The following MSRB3 variants were observed in gnomAD, a reference collection of about 807,000 sequenced individuals.
MSRB3 encodes methionine sulfoxide reductase B3.
A neutral mutation model predicts 21.0 loss-of-function variants in MSRB3; 13 were observed. The observed-to-expected ratio is 0.62, with a 90% confidence interval of 0.40 to 0.98. MSRB3 has a LOEUF of 0.98. Ranked by LOEUF, MSRB3 falls within the 50% of genes least tolerant of loss-of-function variation. The probability of loss-of-function intolerance (pLI) is 0.00; values close to 1 mark genes in which losing one functional copy is unlikely to be tolerated. For missense variants in MSRB3, 199 were observed against 230.3 expected, an observed-to-expected ratio of 0.86 and a Z score of 0.88; for synonymous variants, 87 against 88.6, an observed-to-expected ratio of 0.98 and a Z score of 0.10.
intron 6 of MSRB3, 24 bp downstream of exon 6, chr12:65,453,849 C>T (rs1461130631): frequency 1.3e-6 from 2 of 1,579,070 alleles, no homozygotes; most frequent in South Asian, 2.2e-5. Flanking sequence ...TTCTGAAAAC[C>T]CAATACATTG....
At chr12:65,424,382 C>G (rs1323887120) in intron 5 of MSRB3, among the ~76,000 whole-genome samples, 1 of 151,636 alleles carries the variant, frequency 6.6e-6, no homozygotes, top group Non-Finnish European at 1.5e-5. Flanking sequence ...TTTTCTAGTT[C>G]CTTGAGATGT....
At chr12:65,402,256 C>T (rs375976181) in intron 5 of MSRB3, among the ~76,000 whole-genome samples, 25 of 152,264 alleles carry the variant, frequency 1.6e-4, no homozygotes, top group African/African-American at 4.1e-4. Flanking sequence ...ACCAGTCAAA[C>T]GTAGGTTGGG....
At chr12:65,380,723 A>G (rs1445436136) in intron 5 of MSRB3, among the ~76,000 whole-genome samples, 2 of 152,218 alleles carry the variant, frequency 1.3e-5, no homozygotes, top group Non-Finnish European at 2.9e-5. Flanking sequence ...ATTTGCATAG[A>G]CCATACATTA....
At chr12:65,306,221 G>A (rs1180855550) in intron 1 of MSRB3, among the ~76,000 whole-genome samples, 1 of 152,036 alleles carries the variant, frequency 6.6e-6, no homozygotes, top group Non-Finnish European at 1.5e-5. Context: ...TTTATTTACC[G>A]CAAACATTAA....
At chr12:65,352,967 T>G (rs922295082) in intron 4 of MSRB3, among the ~76,000 whole-genome samples, 3 of 151,826 alleles carry the variant, frequency 2.0e-5, no homozygotes, top group African/African-American at 7.3e-5. Context: ...AAAACTACTT[T>G]AAAGTTCATA....
chr12:65,375,063 G>A lies in MSRB3; in HGVS notation c.292+6037G>A, dbSNP rs1878532312. ...GTAGAGACGGGGTTTCACCGTGTTA[G>A]TCAGATCTCCTGACCTCGTGATCAG... On this transcript the variant is annotated intron_variant, in intron 5 of 6. Transcript: ENST00000308259. Among the ~76,000 whole-genome samples the A allele has an allele frequency of 2.7e-5, 4 of 149,542 alleles. No individual in the cohort carries two copies. The South Asian group carries it at 8.5e-4, about 32-fold the overall frequency.
Position 65,278,775 on chromosome 12 carries a change from C to A in MSRB3, c.-142C>A, listed in dbSNP as rs1206651874. ...GCGGCTGCCTGGCCTTTCCATGAGCCCGCGGCGGACCCTCCCGCGCCCCCT... is the reference window on the plus strand; with the variant it reads ...GCGGCTGCCTGGCCTTTCCATGAGCACGCGGCGGACCCTCCCGCGCCCCCT... On this transcript the variant is annotated 5_prime_UTR_variant, in exon 1 of 7. Transcript: ENST00000308259. The A allele has an allele frequency of 1.9e-6, 3 of 1,577,232 alleles. No individual in the cohort carries two copies. The highest frequency in any genetic ancestry group is 2.3e-5 in the East Asian group (1 of 42,788).
chr12:65,397,160 T>A (rs1879864199), intron 5 of MSRB3, among the ~76,000 whole-genome samples: 1 of 152,210 alleles, frequency 6.6e-6, no homozygotes, highest in African/African-American at 2.4e-5. Flanking sequence ...GTTCACTCTG[T>A]CAAAAATTAA....
chr12:65,281,972 T>G (rs1006948210), intron 1 of MSRB3: 1 of 152,260 alleles, frequency 6.6e-6, no homozygotes, highest in African/African-American at 2.4e-5. Context: ...GGATTTACTT[T>G]GAATATTCTG....
intron 5 of MSRB3, among the ~76,000 whole-genome samples, chr12:65,406,397 G>A (rs1172218477): frequency 6.6e-6 from 1 of 152,122 alleles, no homozygotes; most frequent in Non-Finnish European, 1.5e-5. Context: ...AGAAGTGAAA[G>A]GTCTGTGCAC....
chr12:65,458,262 TA>T (rs34694258), intron 6 of MSRB3, among the ~76,000 whole-genome samples: 1 of 152,016 alleles, frequency 6.6e-6, no homozygotes, highest in African/African-American at 2.4e-5. Context: ...GATCCTTTTT[TA>T]AAAAAAATTG....
intron 5 of MSRB3, among the ~76,000 whole-genome samples, chr12:65,432,518 T>A (rs1414026369): frequency 6.6e-6 from 1 of 152,024 alleles, no homozygotes; most frequent in African/African-American, 2.4e-5. Context: ...TTTATCTATA[T>A]CCCCTCCTAG....
rs532170977 is a variant in MSRB3, at chr12:65,337,242, C to CA, written c.263+8647dup. Among the ~76,000 whole-genome samples, 413 of 145,840 alleles carry CA rather than the reference C, an allele frequency of 2.8e-3. 3 individuals carry two copies. Among genetic ancestry groups the CA allele is most frequent in the South Asian group, 7.9e-3 (37 of 4,692 alleles). ...TGGGCGACAGAACGAGACTCCGTCTCAAAAAAAACAAAAAACAAAACAAAA... is the reference window on the plus strand; with the variant it reads ...TGGGCGACAGAACGAGACTCCGTCTCAAAAAAAAACAAAAAACAAAACAAAA... On this transcript the variant is annotated intron_variant, in intron 4 of 6. Transcript: ENST00000308259.
At chr12:65,301,644 C>T (rs927492018) in intron 1 of MSRB3, among the ~76,000 whole-genome samples, 1 of 152,154 alleles carries the variant, frequency 6.6e-6, no homozygotes, top group African/African-American at 2.4e-5. Context: ...CCATTCAAAA[C>T]GCAAGATAGA....
intron 5 of MSRB3, among the ~76,000 whole-genome samples, chr12:65,394,042 T>C (rs1234622865): frequency 1.3e-5 from 2 of 152,138 alleles, no homozygotes; most frequent in Non-Finnish European, 2.9e-5. Context: ...TAGGAATATG[T>C]AGACTGGTGG....
chr12:65,303,607 G>A (rs56190543), intron 1 of MSRB3, among the ~76,000 whole-genome samples: 6,322 of 151,968 alleles, frequency 0.042, 433 homozygotes, highest in African/African-American at 0.15. Context: ...ACATATAATC[G>A]GTCATTTTCA....
intron 5 of MSRB3, among the ~76,000 whole-genome samples, chr12:65,438,494 A>C (rs1447308654): frequency 6.6e-6 from 1 of 151,914 alleles, no homozygotes; most frequent in Non-Finnish European, 1.5e-5. Flanking sequence ...AAAGCCTAGC[A>C]AGATGATACT....
chr12:65,344,845 T>C (rs1239961351), intron 4 of MSRB3, among the ~76,000 whole-genome samples: 1 of 152,046 alleles, frequency 6.6e-6, no homozygotes, highest in African/African-American at 2.4e-5. Context: ...ACTTCAGTAA[T>C]TTGCAAACCT....
At position 65,306,660 on chromosome 12, in the gene MSRB3, G is replaced by A. The variant is rs1051996039; in HGVS notation, c.-51-1869G>A. Among the ~76,000 whole-genome samples the A allele has an allele frequency of 2.6e-5, 4 of 152,298 alleles. No homozygotes were observed. The South Asian group carries it at 8.3e-4, about 32-fold the overall frequency. Reference sequence around the variant, plus strand: ...ATTTTAGTTGCCCCACTTTGTTGGTGCTAATGTATGTACTTTCTGGGTCTA... The same window carrying A: ...ATTTTAGTTGCCCCACTTTGTTGGTACTAATGTATGTACTTTCTGGGTCTA... On this transcript the variant is annotated intron_variant, in intron 1 of 6. Transcript: ENST00000308259.
Sources: allele counts gnomAD v4.1 joint callset (sites outside exome capture counted in the v4.1 genomes callset), GRCh38; gene constraint gnomAD v4.1.1; transcripts MANE v1.5; gene names NCBI Gene and HGNC (gene_info 2026-07-23, HGNC 2026-07-21).